The following CFAP91 variants were observed in gnomAD, a reference collection of about 807,000 sequenced individuals.
CFAP91 encodes cilia and flagella associated protein 91, also known as cilia- and flagella-associated protein 91.
A neutral mutation model predicts 95.9 loss-of-function variants in CFAP91; 85 were observed. The observed-to-expected ratio is 0.89, with a 90% CI of 0.74 to 1.06. The LOEUF is 1.06. Among genes scored for constraint, CFAP91 ranks in the 50% least tolerant of loss-of-function variants. The pLI, the probability that CFAP91 is intolerant of heterozygous loss-of-function variation, is 0.00. For missense variants in CFAP91, 962 were observed against 943.4 expected, an observed-to-expected ratio of 1.02 and a Z score of -0.26; for synonymous variants, 335 against 327.5, an observed-to-expected ratio of 1.02 and a Z score of -0.25.
Position 119,744,050 on chromosome 3 carries a change from G to A in CFAP91, c.1756G>A (p.Glu586Lys), listed in dbSNP as rs1577235460. 1 of 1,614,206 alleles carries A rather than the reference G, an allele frequency of 6.2e-7. No homozygotes were observed. The highest frequency in any genetic ancestry group is 1.6e-4 in the Middle Eastern group (1 of 6,062). The change falls in exon 14 of 18, where the codon GAG (glutamate) becomes AAG (lysine). Residue 586 changes from glutamate to lysine, a missense_variant. Physicochemically the swap from Glu to Lys is moderately conservative, Grantham distance 56. Transcript: ENST00000273390. Reference protein sequence around the residue: ...LADMFDFLSKELVRLQEERRI... With the variant: ...LADMFDFLSKKLVRLQEERRI... ...AGACATGTTTGACTTCCTGTCCAAA[G>A]AGCTGGTGAGACTGCAGGAGGAGAG...
At chr3:119,751,434 G>C (rs1467452959) in intron 17 of CFAP91, among the ~76,000 whole-genome samples, 1 of 152,168 alleles carries the variant, frequency 6.6e-6, no homozygotes, top group African/African-American at 2.4e-5. Flanking sequence ...TATGGAAGTA[G>C]ACAAGGTATG....
chr3:119,745,923 A>G (rs1012793194), intron 14 of CFAP91, among the ~76,000 whole-genome samples: 3 of 152,228 alleles, frequency 2.0e-5, no homozygotes, highest in African/African-American at 7.2e-5. Context: ...ACAGGTACTG[A>G]ATTGTTACTG....
At position 119,726,263 on chromosome 3, in the gene CFAP91, G is replaced by C; in HGVS notation, c.775G>C (p.Asp259His). 6.2e-7 allele frequency: 1 copy of C among 1,613,944 alleles called. No homozygotes were observed. Among genetic ancestry groups the C allele is most frequent in the Non-Finnish European group, 8.5e-7 (1 of 1,179,912 alleles). The change falls in exon 7 of 18, where the codon GAC (aspartate) becomes CAC (histidine). Residue 259 changes from aspartate to histidine, a missense_variant. Asp to His is a moderately conservative substitution (Grantham distance 81, BLOSUM62 -1). Coordinates refer to ENST00000273390, the MANE Select transcript of CFAP91 (RefSeq NM_033364.4). ...AWEASLPALS[D>H]TSQFEKRRKM... is the part of the protein sequence containing the mutation. ...GGAAGCCTCTCTCCCCGCTCTGAGT[G>C]ACACCTCCCAGTTTGAGAAGAGGAG... is the stretch of plus-strand genomic sequence containing the variant.
chr3:119,705,000 C>T (rs1469385279), intron 1 of CFAP91, among the ~76,000 whole-genome samples: 1 of 152,100 alleles, frequency 6.6e-6, no homozygotes, highest in East Asian at 1.9e-4. Flanking sequence ...ATGTTAAGTA[C>T]CCTCTGATAT....
chr3:119,743,749 G>A (rs940709115), intron 13 of CFAP91, among the ~76,000 whole-genome samples: 9 of 152,180 alleles, frequency 5.9e-5, no homozygotes, highest in African/African-American at 2.2e-4. Flanking sequence ...CTTATTTGAG[G>A]GCTGTGGTCC....
At chr3:119,711,583 C>T (rs1276163122) in intron 5 of CFAP91, among the ~76,000 whole-genome samples, 1 of 152,182 alleles carries the variant, frequency 6.6e-6, no homozygotes, top group African/African-American at 2.4e-5. Context: ...TGACATTTGA[C>T]ATTGTAGCTA....
At chr3:119,762,359 T>C (rs2107926845) in intron 17 of CFAP91, among the ~76,000 whole-genome samples, 1 of 152,138 alleles carries the variant, frequency 6.6e-6, no homozygotes, top group Middle Eastern at 3.4e-3. Flanking sequence ...TGAAAAGATA[T>C]CCTGTGTTCA....
At chr3:119,740,791 G>T in intron 13 of CFAP91, 96 bp downstream of exon 13, 1 of 1,387,062 alleles carries the variant, frequency 7.2e-7, no homozygotes, top group Non-Finnish European at 9.9e-7. Flanking sequence ...TTAATGAAAT[G>T]ATGAAAAAGA....
At chr3:119,719,967 G>A (rs1422544219) in intron 6 of CFAP91, among the ~76,000 whole-genome samples, 1 of 152,106 alleles carries the variant, frequency 6.6e-6, no homozygotes, top group East Asian at 1.9e-4. Flanking sequence ...GCCAGACGTG[G>A]TGGTGGGTGC....
At chr3:119,713,567 C>G (rs2053516080) in intron 5 of CFAP91, among the ~76,000 whole-genome samples, 1 of 151,536 alleles carries the variant, frequency 6.6e-6, no homozygotes, top group Admixed American at 6.6e-5. Flanking sequence ...ATGCTTTCAC[C>G]AACTTGAAAA....
chr3:119,714,444 T>A (rs914467728), intron 5 of CFAP91, among the ~76,000 whole-genome samples: 3 of 152,128 alleles, frequency 2.0e-5, no homozygotes, highest in Non-Finnish European at 4.4e-5. Flanking sequence ...CCTATTTGTA[T>A]TTCCATCAAC....
chr3:119,763,832 G>C (rs528431192), intron 17 of CFAP91, among the ~76,000 whole-genome samples: 3 of 152,248 alleles, frequency 2.0e-5, no homozygotes, highest in Admixed American at 6.5e-5. Context: ...TTGGTTGCCA[G>C]AAGCTAGTGT....
chr3:119,732,741 A>G (rs2053927058), intron 9 of CFAP91, among the ~76,000 whole-genome samples: 1 of 152,234 alleles, frequency 6.6e-6, no homozygotes, highest in South Asian at 2.1e-4. Flanking sequence ...TTATTTAACA[A>G]TGAAATTGAG....
intron 17 of CFAP91, among the ~76,000 whole-genome samples, chr3:119,761,395 C>T (rs1371123113): frequency 6.6e-6 from 1 of 151,790 alleles, no homozygotes; most frequent in Non-Finnish European, 1.5e-5. Flanking sequence ...AAATCCCAGG[C>T]AGGACCCAAT....
intron 6 of CFAP91, among the ~76,000 whole-genome samples, chr3:119,718,264 G>T (rs2053617012): frequency 6.6e-6 from 1 of 152,156 alleles, no homozygotes; most frequent in Non-Finnish European, 1.5e-5. Flanking sequence ...ACAAGAATGG[G>T]AGTCATGAAA....
At chr3:119,706,078 A>G (rs2053353919) in intron 1 of CFAP91, 2 of 152,240 alleles carry the variant, frequency 1.3e-5, no homozygotes, top group South Asian at 4.1e-4. Context: ...CCCCAGAGAC[A>G]AGTCTACTTG....
intron 13 of CFAP91, among the ~76,000 whole-genome samples, chr3:119,743,024 C>T (rs2054149816): frequency 6.6e-6 from 1 of 152,082 alleles, no homozygotes; most frequent in South Asian, 2.1e-4. Flanking sequence ...ATGTCAAAGC[C>T]AGGACACAGG....
intron 7 of CFAP91, among the ~76,000 whole-genome samples, chr3:119,729,518 C>T (rs1354937780): frequency 6.6e-6 from 1 of 151,916 alleles, no homozygotes; most frequent in African/African-American, 2.4e-5. Flanking sequence ...GTGGTGGGTG[C>T]CTGTAGTCCC....
chr3:119,736,272 T>TG (rs1460422055), intron 10 of CFAP91, among the ~76,000 whole-genome samples: 2 of 140,626 alleles, frequency 1.4e-5, no homozygotes, highest in Admixed American at 7.0e-5. Context: ...TCTATTGTTT[T>TG]TTTTTTTTTT....
Sources: gnomAD v4.1 joint callset for allele counts (sites outside exome capture counted in the v4.1 genomes callset) on GRCh38, gnomAD v4.1.1 for gene constraint, MANE v1.5 for transcripts, NCBI Gene and HGNC (gene_info 2026-07-23, HGNC 2026-07-21) for gene names.